Variants in LGALS12 observed in about 807,000 individuals in gnomAD.
LGALS12 encodes galectin-12.
Under a neutral mutation model 36.8 loss-of-function variants are expected in LGALS12, and 36 were observed. That is an observed-to-expected ratio of 0.98 (90% CI 0.75 to 1.29). LGALS12 has a LOEUF of 1.29. Ranked by LOEUF, LGALS12 falls within the 50% of genes most tolerant of loss-of-function variation. LGALS12 has a pLI of 0.00. For synonymous variants in LGALS12, 145 were observed against 155.9 expected (o/e 0.93, Z 0.52); for missense variants, 366 against 394.3 (o/e 0.93, Z 0.61).
intron 4 of LGALS12, among the ~76,000 whole-genome samples, 183 bp downstream of exon 4, chr11:63,510,080 A>G (rs546197107): frequency 6.6e-6 from 1 of 152,226 alleles, no homozygotes; most frequent in Non-Finnish European, 1.5e-5. Flanking sequence ...GGGGGAAGAG[A>G]AAGTGATGGC....
chr11:63,506,407 T>TG lies in LGALS12; in HGVS notation c.-47dup. ...GACTGGGGCAGATGAGTCAGCCCAG[T>TG]GGGGGCAGGGCTCCTGGAACGAGGA... On this transcript the variant is annotated 5_prime_UTR_variant, in exon 1 of 9. Coordinates refer to ENST00000394618, the MANE Select transcript of LGALS12 (RefSeq NM_033101.4). The TG allele has an allele frequency of 6.2e-7, 1 of 1,614,156 alleles. No individual in the cohort carries two copies. The highest frequency in any genetic ancestry group is 1.1e-5 in the South Asian group (1 of 91,084).
chr11:63,515,419 C>T (rs1343807808), intron 7 of LGALS12, 144 bp from the exon 8 acceptor site: 2 of 836,632 alleles, frequency 2.4e-6, no homozygotes, highest in African/African-American at 3.4e-5. Flanking sequence ...ATGAGGCTGT[C>T]ATAGGCCCTC....
At chr11:63,512,750 C>T (rs1368692079) in intron 7 of LGALS12, among the ~76,000 whole-genome samples, 2 of 148,806 alleles carry the variant, frequency 1.3e-5, no homozygotes, top group African/African-American at 5.0e-5. Flanking sequence ...GATCGCGCCA[C>T]TGCACTCCAG....
chr11:63,512,653 G>C lies in LGALS12; in HGVS notation c.647+813G>C, dbSNP rs749996953. On this transcript the variant is annotated intron_variant, in intron 7 of 8. Transcript: ENST00000394618. ...AAAATAGAAAAATTAGCCGGGCATG[G>C]TGGCGCATGCCTGTAATCCCAGCTA... 2.6e-5 allele frequency among the ~76,000 whole-genome samples: 4 copies of C among 152,058 alleles called. No homozygotes were observed. The East Asian group carries it at 7.7e-4, about 29-fold the overall frequency.
At chr11:63,511,890 A>G (rs1590649499) in intron 7 of LGALS12, 50 bp downstream of exon 7, 1 of 1,130,980 alleles carries the variant, frequency 8.8e-7, no homozygotes, top group East Asian at 2.3e-5. Flanking sequence ...TCTCTGTGAC[A>G]GTCACATGCT....
chr11:63,515,801 T>C (rs1056681553), intron 8 of LGALS12, 88 bp downstream of exon 8: 2 of 1,438,964 alleles, frequency 1.4e-6, no homozygotes, highest in African/African-American at 2.8e-5. Flanking sequence ...GGGGCAGGTG[T>C]GCAGGACAGA....
intron 3 of LGALS12, 28 bp from the exon 4 acceptor site, chr11:63,509,750 A>T (rs770868556): frequency 6.2e-7 from 1 of 1,612,058 alleles, no homozygotes; most frequent in African/African-American, 1.3e-5. Context: ...TTAGCTGCTG[A>T]TAAGCCAGCC....
At chr11:63,507,453 A>G (rs568077479) in intron 1 of LGALS12, among the ~76,000 whole-genome samples, 21 of 152,202 alleles carry the variant, frequency 1.4e-4, no homozygotes, top group African/African-American at 4.6e-4. Flanking sequence ...GCGTCAGGTG[A>G]GGCACTGAGC....
intron 1 of LGALS12, 116 bp from the exon 2 acceptor site, chr11:63,508,435 TTC>T (rs1467811074): frequency 6.7e-7 from 1 of 1,483,898 alleles, no homozygotes; most frequent in Non-Finnish European, 8.9e-7. Context: ...ATAAGGAATT[TTC>T]TGTTTGGAGA....
At chr11:63,511,708 T>A in intron 6 of LGALS12, 44 bp from the exon 7 acceptor site, 1 of 1,441,804 alleles carries the variant, frequency 6.9e-7, no homozygotes, top group East Asian at 2.3e-5. Context: ...TCCTCCCCAG[T>A]CCCCCTGGAA....
intron 7 of LGALS12, among the ~76,000 whole-genome samples, chr11:63,512,930 G>T (rs2016971885): frequency 6.6e-6 from 1 of 152,090 alleles, no homozygotes; most frequent in Non-Finnish European, 1.5e-5. Flanking sequence ...GGAGGGCAGA[G>T]TAAGGAAAGC....
At chr11:63,514,001 G>A (rs1054381610) in intron 7 of LGALS12, among the ~76,000 whole-genome samples, 35 of 152,314 alleles carry the variant, frequency 2.3e-4, no homozygotes, top group African/African-American at 8.2e-4. Context: ...TGGCAGGACG[G>A]GGTAGGGGGA....
chr11:63,508,987 T>C lies in LGALS12; in HGVS notation c.368T>C (p.Val123Ala). 6.2e-7 allele frequency: 1 copy of C among 1,613,006 alleles called. No individual in the cohort carries two copies. Residue 123 changes from valine to alanine, a missense_variant, in exon 3 of 9, where the codon GTG (valine) becomes GCG (alanine). Physicochemically the swap from Val to Ala is moderately conservative, Grantham distance 64. Transcript: ENST00000394618. ...LILFLFGNEE[V>A]KVSVNGQHFL... ...CTCTTTCTCTTCGGGAATGAGGAAG[T>C]GAAGGTGAAGGAAGGGACGGGCATT...
At chr11:63,507,608 G>C (rs1177374851) in intron 1 of LGALS12, among the ~76,000 whole-genome samples, 1 of 138,390 alleles carries the variant, frequency 7.2e-6, no homozygotes, top group Non-Finnish European at 1.6e-5. Context: ...ATAATCCAAG[G>C]AACCCAAGTG....
In LGALS12 at chr11:63,510,815, C is replaced by T. The variant is rs143432810; in HGVS notation, c.532-264C>T. ...TGCAAGGTGGCTGGGGTTGGTCTTG[C>T]GGGACAGAAGGGGAGATGAGGCCCA... On this transcript the variant is annotated intron_variant, in intron 5 of 8. Coordinates refer to ENST00000394618, the MANE Select transcript of LGALS12 (RefSeq NM_033101.4). Among the ~76,000 whole-genome samples, 890 of 152,264 alleles carry T rather than the reference C, an allele frequency of 5.8e-3. 9 individuals carry two copies. The highest frequency in any genetic ancestry group is 0.023 in the South Asian group (113 of 4,818).
At position 63,511,753 on chromosome 11, in the gene LGALS12, A is replaced by G; in HGVS notation, c.560A>G (p.Glu187Gly). ...TCAATACCTCCCTTGTTCCTTCAGG[A>G]GGTGCCCTGCTCACATGCTCTTCCC... is the stretch of plus-strand genomic sequence containing the variant. ...HPFLLMSPRL[E>G]VPCSHALPQG... The change falls in exon 7 of 9, where the codon GAG becomes GGG. Residue 187 changes from glutamate to glycine, a missense_variant and splice_region_variant. Glu to Gly is a moderately conservative substitution (Grantham distance 98). Transcript: ENST00000394618. The G allele has an allele frequency of 6.2e-7, 1 of 1,611,506 alleles. No homozygotes were observed. The highest frequency in any genetic ancestry group is 8.5e-7 in the Non-Finnish European group (1 of 1,177,996).
At chr11:63,514,931 A>G (rs375165923) in intron 7 of LGALS12, among the ~76,000 whole-genome samples, 1 of 152,128 alleles carries the variant, frequency 6.6e-6, no homozygotes, top group Non-Finnish European at 1.5e-5. Flanking sequence ...TTTTTAAACA[A>G]TAGGTATCAT....
At position 63,516,516 on chromosome 11, in the gene LGALS12, G is replaced by A; in HGVS notation, c.*123G>A. ...CACATCAGGCCTGGTTCACCTCTGG[G>A]GTCACGAGACTGAGTCTACAGGAGC... On this transcript the variant is annotated 3_prime_UTR_variant, in exon 9 of 9. Transcript: ENST00000394618. The A allele has an allele frequency of 8.5e-7, 1 of 1,180,450 alleles. No homozygotes were observed. The highest frequency in any genetic ancestry group is 1.2e-6 in the Non-Finnish European group (1 of 819,926). 73.1% of individuals were successfully genotyped at this position (1,180,450 alleles called of 1,614,324 possible).
intron 1 of LGALS12, among the ~76,000 whole-genome samples, chr11:63,507,799 A>G (rs1421330856): frequency 7.9e-6 from 1 of 126,208 alleles, no homozygotes; most frequent in Admixed American, 1.0e-4. Flanking sequence ...CAGTGGCATG[A>G]TCTCAGCTCA....
Sources: allele counts gnomAD v4.1 joint callset (sites outside exome capture counted in the v4.1 genomes callset), GRCh38; gene constraint gnomAD v4.1.1; transcripts MANE v1.5; gene names NCBI Gene and HGNC (gene_info 2026-07-23, HGNC 2026-07-21).